The following ADCY2 variants were observed in gnomAD, a reference collection of about 807,000 sequenced individuals.
The protein encoded by ADCY2 is adenylate cyclase type 2.
A neutral mutation model predicts 125.2 loss-of-function variants in ADCY2; 31 were observed. The ratio of observed to expected loss-of-function variants is 0.25; its 90% CI spans 0.19 to 0.33. The LOEUF (loss-of-function observed/expected upper bound fraction) is 0.33. Among genes scored for constraint, ADCY2 ranks in the 10% least tolerant of loss-of-function variants. ADCY2 has a pLI of 1.00. For missense variants in ADCY2, 904 were observed against 1,418.2 expected, an observed-to-expected ratio of 0.64 and a Z score of 5.82; for synonymous variants, 512 against 548.4, an observed-to-expected ratio of 0.93 and a Z score of 0.93.
chr5:7,596,865 C>T (rs1737023732), intron 3 of ADCY2, among the ~76,000 whole-genome samples: 2 of 152,224 alleles, frequency 1.3e-5, no homozygotes, highest in Admixed American at 6.5e-5. Context: ...TTAGAGTAGT[C>T]GTTGTTTTAA....
chr5:7,456,193 A>G (rs1184773192), intron 2 of ADCY2, among the ~76,000 whole-genome samples: 1 of 152,194 alleles, frequency 6.6e-6, no homozygotes, highest in Non-Finnish European at 1.5e-5. Flanking sequence ...TGAGTTTGAA[A>G]TAAAAACAGA....
intron 3 of ADCY2, among the ~76,000 whole-genome samples, chr5:7,623,139 A>T (rs917815697): frequency 5.3e-5 from 8 of 152,214 alleles, no homozygotes; most frequent in Non-Finnish European, 1.0e-4. Flanking sequence ...AAGCCCAGGG[A>T]CAGATGATGG....
rs549088917 is a variant in ADCY2 at position 7,580,444 on chromosome 5, A to G, written c.571-45723A>G. 3.3e-5 allele frequency among the ~76,000 whole-genome samples: 5 copies of G among 152,316 alleles called. 1 individual carries two copies. In the South Asian group the frequency reaches 1.0e-3, roughly 32 times the overall value. ...CTGGAACTGGAAATCTAAATTTGCA[A>G]TGTTAATATATTAATGAGTGAGATT... On this transcript the variant is annotated intron_variant, in intron 3 of 24. Coordinates refer to ENST00000338316, the MANE Select transcript of ADCY2 (RefSeq NM_020546.3).
intron 4 of ADCY2, among the ~76,000 whole-genome samples, chr5:7,660,892 A>C (rs1196648676): frequency 4.6e-5 from 7 of 152,252 alleles, no homozygotes; most frequent in African/African-American, 1.7e-4. Flanking sequence ...TCAGCTCAGA[A>C]GCAGGGAAGG....
At chr5:7,611,996 A>G (rs1433188248) in intron 3 of ADCY2, among the ~76,000 whole-genome samples, 1 of 152,230 alleles carries the variant, frequency 6.6e-6, no homozygotes, top group African/African-American at 2.4e-5. Flanking sequence ...TAAGGGGTGC[A>G]TGAGACATCT....
intron 3 of ADCY2, among the ~76,000 whole-genome samples, chr5:7,551,257 G>A (rs1268566960): frequency 1.3e-5 from 2 of 152,072 alleles, no homozygotes; most frequent in Non-Finnish European, 2.9e-5. Flanking sequence ...GAGATGCAAA[G>A]GAAAGAAAAC....
rs371858264 is a variant in ADCY2, at chr5:7,408,082, G to A, written c.211-6491G>A. ...AGACGGGGTTTCACCATGTTGGCCA[G>A]GATGGTCTTGATCTCCTGACCTCGT... On this transcript the variant is annotated intron_variant, in intron 1 of 24. Transcript: ENST00000338316. Among the ~76,000 whole-genome samples, 663 of 151,774 alleles carry A rather than the reference G, an allele frequency of 4.4e-3. 3 individuals are homozygous for A. The highest frequency in any genetic ancestry group is 0.015 in the African/African-American group (631 of 41,348).
intron 3 of ADCY2, among the ~76,000 whole-genome samples, chr5:7,587,379 C>T (rs781181155): frequency 6.6e-6 from 1 of 152,188 alleles, no homozygotes; most frequent in Non-Finnish European, 1.5e-5. Flanking sequence ...TACTCTGTTG[C>T]GAGATGCTTG....
chr5:7,464,435 T>C (rs773633316), intron 2 of ADCY2, among the ~76,000 whole-genome samples: 3 of 152,178 alleles, frequency 2.0e-5, no homozygotes, highest in Non-Finnish European at 4.4e-5. Context: ...TGCCATCTAC[T>C]GACCTACGGC....
chr5:7,612,783 G>A (rs528052401), intron 3 of ADCY2, among the ~76,000 whole-genome samples: 8 of 152,140 alleles, frequency 5.3e-5, no homozygotes, highest in African/African-American at 1.9e-4. Context: ...TTGGGAGGCC[G>A]AGGCTGGCGG....
At chr5:7,648,938 G>T (rs1190353490) in intron 4 of ADCY2, among the ~76,000 whole-genome samples, 2 of 152,290 alleles carry the variant, frequency 1.3e-5, no homozygotes, top group Non-Finnish European at 2.9e-5. Flanking sequence ...CATAAAACCT[G>T]TCTCATAAAT....
At chr5:7,418,711 A>G (rs1469980639) in intron 2 of ADCY2, among the ~76,000 whole-genome samples, 2 of 124,048 alleles carry the variant, frequency 1.6e-5, no homozygotes, top group African/African-American at 6.5e-5. Flanking sequence ...GCTGGAGTGC[A>G]GTCGTGCGAT....
intron 18 of ADCY2, among the ~76,000 whole-genome samples, chr5:7,780,189 T>G (rs1560985801): frequency 1.3e-5 from 2 of 152,222 alleles, no homozygotes; most frequent in African/African-American, 4.8e-5. Flanking sequence ...TTATTTTGCC[T>G]TATGCATCTT....
chr5:7,777,741 G>A (rs918191494), intron 18 of ADCY2, among the ~76,000 whole-genome samples: 16 of 152,218 alleles, frequency 1.1e-4, no homozygotes, highest in Admixed American at 9.8e-4. Context: ...GGAGTTGGCA[G>A]CGGAAAAAGG....
intron 3 of ADCY2, among the ~76,000 whole-genome samples, chr5:7,589,519 AGAAAG>A (rs1309760524): frequency 1.8e-5 from 2 of 108,330 alleles, no homozygotes; most frequent in African/African-American, 3.5e-5. Flanking sequence ...AGAAAAGAAA[AGAAAG>A]AGAAAGAAAG....
chr5:7,443,881 T>C (rs1489345913), intron 2 of ADCY2, among the ~76,000 whole-genome samples: 2 of 151,944 alleles, frequency 1.3e-5, no homozygotes, highest in Admixed American at 6.6e-5. Flanking sequence ...TGATTCTCCC[T>C]GATATATAGT....
intron 12 of ADCY2, among the ~76,000 whole-genome samples, chr5:7,720,679 A>G (rs943956887): frequency 1.1e-4 from 16 of 151,988 alleles, no homozygotes; most frequent in African/African-American, 3.9e-4. Flanking sequence ...AGTTTGCTCA[A>G]ACTGATGATT....
intron 18 of ADCY2, among the ~76,000 whole-genome samples, chr5:7,779,582 C>T (rs867311420): frequency 3.9e-5 from 6 of 151,940 alleles, no homozygotes; most frequent in African/African-American, 9.6e-5. Context: ...CAACCCCCCC[C>T]CCAACACACA....
intron 14 of ADCY2, among the ~76,000 whole-genome samples, chr5:7,739,916 A>C (rs538154979): frequency 6.6e-6 from 1 of 152,086 alleles, no homozygotes; most frequent in East Asian, 1.9e-4. Context: ...TGTTTTAAAA[A>C]TTTTTCCCAC....
Sources: allele counts gnomAD v4.1 joint callset (sites outside exome capture counted in the v4.1 genomes callset), GRCh38; gene constraint gnomAD v4.1.1; transcripts MANE v1.5; gene names NCBI Gene and HGNC (gene_info 2026-07-23, HGNC 2026-07-21).